MBP: variants seen among roughly 807,000 people sequenced by gnomAD.
MBP encodes the protein myelin basic protein, also known as Golli-MBP.
A neutral mutation model predicts 35.8 loss-of-function variants in MBP; 16 were observed. The observed-to-expected ratio is 0.45, with a 90% CI of 0.30 to 0.68. MBP has a LOEUF of 0.68. MBP is among the 30% of genes least tolerant of loss of function. MBP has a pLI of 0.08. For missense variants in MBP, 380 were observed against 404.7 expected (o/e 0.94, Z 0.52); for synonymous variants, 143 against 159.6 (o/e 0.90, Z 0.78).
chr18:77,050,003 A>G (rs1479058175), intron 3 of MBP, among the ~76,000 whole-genome samples: 1 of 152,140 alleles, frequency 6.6e-6, no homozygotes, highest in Non-Finnish European at 1.5e-5. Flanking sequence ...TAAACTCCCA[A>G]AACAAAAAGC....
chr18:77,028,224 T>C (rs892696428), intron 3 of MBP, among the ~76,000 whole-genome samples: 1 of 139,488 alleles, frequency 7.2e-6, no homozygotes, highest in Non-Finnish European at 1.6e-5. Flanking sequence ...AGCATCTGTT[T>C]AACAAAGCAC....
At chr18:77,016,702 C>G in intron 4 of MBP, 130 bp downstream of exon 4, 1 of 1,464,332 alleles carries the variant, frequency 6.8e-7, no homozygotes, top group South Asian at 1.4e-5. Context: ...ATGCATTCTC[C>G]AGCACGGAAC....
intron 2 of MBP, among the ~76,000 whole-genome samples, chr18:77,088,910 C>G (rs1975389139): frequency 6.6e-6 from 1 of 152,222 alleles, no homozygotes; most frequent in Non-Finnish European, 1.5e-5. Context: ...TCTGCATGGG[C>G]TACAAGGCCT....
In MBP at chr18:77,017,119, G is replaced by T; in HGVS notation, c.289C>A (p.Arg97=). Residue 97 remains arginine, a synonymous_variant, in exon 4 of 9, where the codon CGA becomes AGA. Transcript: ENST00000355994. ...SRPHLIRLFS[R]DAPGREDNTF... ...TTGTCCTCCCTCCCCGGGGCATCTC[G>T]GGAAAAGAGGCGGATCAAGTGGGGG... 1 of 1,586,572 alleles carries T rather than the reference G, an allele frequency of 6.3e-7. No homozygotes were observed. Among genetic ancestry groups the T allele is most frequent in the Non-Finnish European group, 8.6e-7 (1 of 1,162,592 alleles).
intron 3 of MBP, among the ~76,000 whole-genome samples, chr18:77,057,553 T>G (rs1025277200): frequency 2.0e-5 from 3 of 151,390 alleles, no homozygotes; most frequent in African/African-American, 7.4e-5. Flanking sequence ...GGACAAGGAC[T>G]GTGTGTGAAG....
intron 2 of MBP, among the ~76,000 whole-genome samples, chr18:77,082,682 T>TGCA (rs955135310): frequency 3.6e-5 from 2 of 56,232 alleles, no homozygotes; most frequent in African/African-American, 1.1e-4. Context: ...CCTTCCTCCC[T>TGCA]GCAGCAGCTG....
intron 1 of MBP, among the ~76,000 whole-genome samples, chr18:77,129,785 T>A (rs1328087231): frequency 1.3e-5 from 2 of 152,238 alleles, no homozygotes; most frequent in African/African-American, 4.8e-5. Context: ...ATCCCAGCAC[T>A]TTGGGAGGCC....
At chr18:77,007,213 C>T (rs1449041320) in intron 4 of MBP, among the ~76,000 whole-genome samples, 1 of 152,228 alleles carries the variant, frequency 6.6e-6, no homozygotes, top group Non-Finnish European at 1.5e-5. Flanking sequence ...GTGGCTGGTG[C>T]CCTCACAGCC....
chr18:77,058,563 G>A (rs1330911837), intron 3 of MBP, among the ~76,000 whole-genome samples: 1 of 152,262 alleles, frequency 6.6e-6, no homozygotes, highest in South Asian at 2.1e-4. Flanking sequence ...CCCCGCCCCC[G>A]CGTGCAGAAT....
At chr18:77,090,672 C>G (rs564577307) in intron 2 of MBP, among the ~76,000 whole-genome samples, 1 of 152,216 alleles carries the variant, frequency 6.6e-6, no homozygotes, top group Non-Finnish European at 1.5e-5. Flanking sequence ...TTGGACACGT[C>G]TATCCTCCCG....
chr18:77,016,490 G>T (rs887901626), intron 4 of MBP: 6 of 1,139,844 alleles, frequency 5.3e-6, no homozygotes, highest in Non-Finnish European at 5.4e-6. Context: ...CATCAAGTCC[G>T]CAAGCACACA....
intron 1 of MBP, among the ~76,000 whole-genome samples, chr18:77,106,586 G>A (rs911227297): frequency 6.6e-6 from 1 of 152,078 alleles, no homozygotes; most frequent in African/African-American, 2.4e-5. Context: ...TTCCGGTGAG[G>A]GGCTCGTGCA....
chr18:77,058,645 A>T (rs956877194), intron 3 of MBP, among the ~76,000 whole-genome samples: 5 of 152,134 alleles, frequency 3.3e-5, no homozygotes, highest in African/African-American at 1.2e-4. Context: ...CAGTGACTGG[A>T]ATGGTGCCCA....
chr18:77,060,803 C>A (rs1568318823), intron 3 of MBP, among the ~76,000 whole-genome samples: 1 of 152,148 alleles, frequency 6.6e-6, no homozygotes, highest in African/African-American at 2.4e-5. Context: ...CAATAGGAAA[C>A]CCTGTTTTCT....
chr18:77,017,451 G>C, intron 3 of MBP, 183 bp from the exon 4 acceptor site: 1 of 438,934 alleles, frequency 2.3e-6, no homozygotes, highest in Non-Finnish European at 3.8e-6. Context: ...TTGCAGCTCT[G>C]TGTTTCAGAA....
intron 3 of MBP, among the ~76,000 whole-genome samples, chr18:77,038,550 A>G (rs192335934): frequency 2.0e-5 from 3 of 152,334 alleles, no homozygotes; most frequent in African/African-American, 7.2e-5. Flanking sequence ...TGGGAATGAC[A>G]GGAGCCCAAG....
At chr18:77,041,356 G>A in intron 3 of MBP, among the ~76,000 whole-genome samples, 1 of 152,044 alleles carries the variant, frequency 6.6e-6, no homozygotes, top group South Asian at 2.1e-4. Flanking sequence ...CAACCATTGT[G>A]GAAGTCAGTG....
chr18:77,051,517 A>T (rs1042245046), intron 3 of MBP, among the ~76,000 whole-genome samples: 54 of 152,184 alleles, frequency 3.5e-4, no homozygotes, highest in Non-Finnish European at 8.8e-5. Flanking sequence ...GGGGAGGGTG[A>T]GGTCAGGATC....
intron 2 of MBP, among the ~76,000 whole-genome samples, chr18:77,090,670 G>A (rs1789083): frequency 0.029 from 4,406 of 152,246 alleles, 210 homozygotes; most frequent in African/African-American, 0.097. Flanking sequence ...CTTTGGACAC[G>A]TCTATCCTCC....
Sources: gnomAD v4.1 joint callset for allele counts (sites outside exome capture counted in the v4.1 genomes callset) on GRCh38, gnomAD v4.1.1 for gene constraint, MANE v1.5 for transcripts, NCBI Gene and HGNC (gene_info 2026-07-23, HGNC 2026-07-21) for gene names.